SORCS3: variants seen among roughly 807,000 people sequenced by gnomAD.
SORCS3 encodes the protein VPS10 domain-containing receptor SorCS3.
SORCS3 carries 57 observed loss-of-function variants against 146.3 expected under a neutral mutation model. The observed-to-expected ratio is 0.39, with a 90% CI of 0.31 to 0.49. The LOEUF (loss-of-function observed/expected upper bound fraction) is 0.49, where lower values mean the gene tolerates loss of function less well. Ranked by LOEUF, SORCS3 falls within the 20% of genes least tolerant of loss-of-function variation. SORCS3 has a pLI of 0.92. For synonymous variants in SORCS3, 653 were observed against 618.5 expected (o/e 1.06, Z -0.83); for missense variants, 1,341 against 1,575.5 (o/e 0.85, Z 2.52).
intron 1 of SORCS3, among the ~76,000 whole-genome samples, chr10:104,664,280 G>A (rs893605632): frequency 6.6e-6 from 1 of 152,138 alleles, no homozygotes; most frequent in African/African-American, 2.4e-5. Context: ...AAACAGGAGC[G>A]GGGCTTAAGG....
At chr10:105,135,935 A>C (rs1322794623) in intron 7 of SORCS3, among the ~76,000 whole-genome samples, 1 of 152,056 alleles carries the variant, frequency 6.6e-6, no homozygotes, top group Non-Finnish European at 1.5e-5. Flanking sequence ...ACAGCTCCCC[A>C]CTTCTTCTGA....
chr10:105,152,895 AT>A (rs1328327883), intron 9 of SORCS3, among the ~76,000 whole-genome samples: 1 of 152,114 alleles, frequency 6.6e-6, no homozygotes, highest in Non-Finnish European at 1.5e-5. Context: ...TTTTCAAGAA[AT>A]CCACGTCTGC....
intron 3 of SORCS3, among the ~76,000 whole-genome samples, chr10:104,969,350 CGT>C: frequency 6.7e-6 from 1 of 150,072 alleles, no homozygotes; most frequent in East Asian, 2.0e-4. Flanking sequence ...TGCGCGCGCG[CGT>C]ACAGAGCATG....
intron 5 of SORCS3, among the ~76,000 whole-genome samples, chr10:105,059,392 C>T (rs1478153132): frequency 6.6e-6 from 1 of 152,110 alleles, no homozygotes; most frequent in Non-Finnish European, 1.5e-5. Flanking sequence ...CTGTAAAATG[C>T]TATATTGTTT....
intron 14 of SORCS3, among the ~76,000 whole-genome samples, chr10:105,196,175 C>G (rs1453626070): frequency 6.6e-6 from 1 of 152,196 alleles, no homozygotes; most frequent in Admixed American, 6.5e-5. Flanking sequence ...TTCTTTGAGG[C>G]TCGGAGTCAA....
intron 4 of SORCS3, among the ~76,000 whole-genome samples, chr10:105,012,633 C>T (rs568085256): frequency 1.4e-4 from 21 of 152,234 alleles, no homozygotes; most frequent in African/African-American, 4.6e-4. Context: ...GCCAGGAGTT[C>T]CACCTTTCGT....
At chr10:104,975,198 C>A (rs1589574645) in intron 3 of SORCS3, among the ~76,000 whole-genome samples, 1 of 152,194 alleles carries the variant, frequency 6.6e-6, no homozygotes, top group East Asian at 1.9e-4. Context: ...AGCTGATAAG[C>A]AACTTCAGCA....
chr10:104,856,402 A>G (rs2018332267), intron 2 of SORCS3, among the ~76,000 whole-genome samples: 1 of 147,652 alleles, frequency 6.8e-6, no homozygotes, highest in Non-Finnish European at 1.5e-5. Flanking sequence ...GGAGAGAGAG[A>G]GACCACTGTT....
intron 4 of SORCS3, among the ~76,000 whole-genome samples, chr10:105,009,792 T>A (rs1252593934): frequency 6.6e-6 from 1 of 152,118 alleles, no homozygotes; most frequent in Non-Finnish European, 1.5e-5. Context: ...AAAACCTAGC[T>A]TTTCTTTGTA....
At chr10:104,887,971 G>GGGGGGGGGGGGGGGTGC (rs145157471) in intron 2 of SORCS3, among the ~76,000 whole-genome samples, 1 of 83,034 alleles carries the variant, frequency 1.2e-5, no homozygotes, top group Admixed American at 1.0e-4. Flanking sequence ...GGGGGGCGGG[G>GGGGGGGGGGGGGGGTGC]GCGGAGCAAG....
chr10:105,157,385 T>C, intron 10 of SORCS3, 101 bp downstream of exon 10: 1 of 1,411,378 alleles, frequency 7.1e-7, no homozygotes, highest in South Asian at 1.3e-5. Flanking sequence ...GGAACTCAGG[T>C]GGTGCAGAGC....
chr10:104,941,346 C>A (rs2019318560), intron 3 of SORCS3, among the ~76,000 whole-genome samples: 1 of 152,128 alleles, frequency 6.6e-6, no homozygotes, highest in Non-Finnish European at 1.5e-5. Flanking sequence ...ACCTCTGATA[C>A]CCTTGGGCCA....
chr10:105,021,062 A>G (rs1340842131), intron 4 of SORCS3, among the ~76,000 whole-genome samples: 3 of 152,204 alleles, frequency 2.0e-5, no homozygotes, highest in African/African-American at 7.2e-5. Context: ...CTAGATTCTC[A>G]GATGGCACCC....
At chr10:105,251,824 A>G (rs1236888687) in intron 22 of SORCS3, among the ~76,000 whole-genome samples, 2 of 152,222 alleles carry the variant, frequency 1.3e-5, no homozygotes, top group African/African-American at 2.4e-5. Flanking sequence ...CCACTCAGGA[A>G]TAGAAAAATT....
chr10:105,079,081 A>G (rs1006745377), intron 5 of SORCS3, among the ~76,000 whole-genome samples: 1 of 152,174 alleles, frequency 6.6e-6, no homozygotes, highest in African/African-American at 2.4e-5. Flanking sequence ...CTTGACCATC[A>G]TCATCATGTC....
chr10:104,655,520 T>A (rs1471320825), intron 1 of SORCS3, among the ~76,000 whole-genome samples: 2 of 152,206 alleles, frequency 1.3e-5, no homozygotes, highest in East Asian at 3.8e-4. Flanking sequence ...GGTTTCTTTT[T>A]CTTTAAAAAA....
At chr10:104,688,599 C>T (rs1306299308) in intron 1 of SORCS3, among the ~76,000 whole-genome samples, 3 of 152,204 alleles carry the variant, frequency 2.0e-5, no homozygotes, top group African/African-American at 7.2e-5. Flanking sequence ...ATTGTTCGGC[C>T]TCAACTCCAG....
intron 2 of SORCS3, among the ~76,000 whole-genome samples, chr10:104,890,347 G>T (rs1490177): frequency 5.3e-5 from 8 of 151,146 alleles, no homozygotes; most frequent in African/African-American, 1.7e-4. Flanking sequence ...TTTTTCCTCA[G>T]TTTTTTTTTG....
intron 13 of SORCS3, among the ~76,000 whole-genome samples, chr10:105,170,634 T>C (rs953657852): frequency 3.9e-5 from 6 of 152,248 alleles, no homozygotes; most frequent in Non-Finnish European, 7.3e-5. Flanking sequence ...ACCATGATTT[T>C]TGCTTACTTG....
Sources: allele counts gnomAD v4.1 joint callset (sites outside exome capture counted in the v4.1 genomes callset), GRCh38; gene constraint gnomAD v4.1.1; transcripts MANE v1.5; gene names NCBI Gene and HGNC (gene_info 2026-07-23, HGNC 2026-07-21).